OSBPL10: variants seen among roughly 807,000 people sequenced by gnomAD.
OSBPL10 encodes oxysterol binding protein like 10, also known as oxysterol-binding protein-related protein 10.
OSBPL10 carries 49 observed loss-of-function variants against 81.7 expected under a neutral mutation model. That is an observed-to-expected ratio of 0.60 (90% CI 0.48 to 0.76). The LOEUF is 0.76. Ranked by LOEUF, OSBPL10 falls within the 30% of genes least tolerant of loss-of-function variation. The pLI, the probability that OSBPL10 is intolerant of heterozygous loss-of-function variation, is 0.00. For synonymous variants in OSBPL10, 419 were observed against 383.6 expected (o/e 1.09, Z -1.08); for missense variants, 923 against 987.8 (o/e 0.93, Z 0.88).
rs566614122 is a variant in OSBPL10 at position 32,014,978 on chromosome 3, C to T, written n.298+31513G>A. ...AACAAATGGAAGAACATTTCCTGCT[C>T]ATGGATAGGAAGAATCAATATCGTG... On this transcript the variant is annotated intron_variant and non_coding_transcript_variant, in intron 2 of 3. Transcript: ENST00000479173. Among the ~76,000 whole-genome samples, 7 of 152,292 alleles carry T rather than the reference C, an allele frequency of 4.6e-5. No individual in the cohort carries two copies. The East Asian group carries it at 7.7e-4, about 17-fold the overall frequency.
In OSBPL10 at chr3:31,846,392, G is replaced by A. The variant is rs534583414; in HGVS notation, c.538-16161C>T. On this transcript the variant is annotated intron_variant, in intron 3 of 11. Coordinates refer to ENST00000396556, the MANE Select transcript of OSBPL10 (RefSeq NM_017784.5). ...TAATCCCAGCACTTTGGGAGGCCAA[G>A]GTGAGTATATCACCTGAGGTCAGGA... 3.8e-4 allele frequency among the ~76,000 whole-genome samples: 58 copies of A among 152,288 alleles called. 2 individuals are homozygous for A. Among genetic ancestry groups the A allele is most frequent in the Admixed American group, 3.3e-3 (50 of 15,300 alleles).
chr3:31,924,073 G>GC (rs1696995889), intron 1 of OSBPL10, among the ~76,000 whole-genome samples: 1 of 151,734 alleles, frequency 6.6e-6, no homozygotes, highest in Admixed American at 6.6e-5. Flanking sequence ...AAGAAAATTA[G>GC]TGGGCATAGT....
In OSBPL10 at chr3:31,765,583, C is replaced by T. The variant is rs754151298; in HGVS notation, c.730-17463G>A. Among the ~76,000 whole-genome samples, 71 of 152,230 alleles carry T rather than the reference C, an allele frequency of 4.7e-4. 1 individual carries two copies. Among genetic ancestry groups the T allele is most frequent in the Admixed American group, 7.2e-4 (11 of 15,286 alleles). On this transcript the variant is annotated intron_variant, in intron 4 of 11. Coordinates refer to ENST00000396556, the MANE Select transcript of OSBPL10 (RefSeq NM_017784.5). The stretch of plus-strand genomic sequence containing the variant: ...TGGGAAGGGGCTGTTCTCCTCCCTT[C>T]GGACAGGTAAGAAGATTGGTCTCAA...
chr3:31,668,586 T>G, intron 10 of OSBPL10, 56 bp downstream of exon 10: 3 of 1,469,508 alleles, frequency 2.0e-6, no homozygotes, highest in Non-Finnish European at 1.8e-6. Context: ...CTCTGTCCCT[T>G]GAGTCAGGTG....
At chr3:31,674,374 C>T (rs893498313) in intron 8 of OSBPL10, among the ~76,000 whole-genome samples, 18 of 151,738 alleles carry the variant, frequency 1.2e-4, no homozygotes, top group African/African-American at 2.7e-4. Flanking sequence ...GGCAACATGA[C>T]GAAGCCTCAT....
At chr3:31,746,192 T>C (rs1697513831) in intron 5 of OSBPL10, among the ~76,000 whole-genome samples, 2 of 152,232 alleles carry the variant, frequency 1.3e-5, no homozygotes, top group Admixed American at 6.5e-5. Context: ...CCCTGGCTTC[T>C]TGATTAACAA....
intron 2 of OSBPL10, among the ~76,000 whole-genome samples, chr3:32,025,186 G>A (rs567729272): frequency 2.1e-4 from 32 of 152,194 alleles, no homozygotes; most frequent in African/African-American, 7.5e-4. Flanking sequence ...TGTTTGATGA[G>A]GGTTTTTATC....
At chr3:31,764,572 G>A (rs1355040677) in intron 4 of OSBPL10, among the ~76,000 whole-genome samples, 4 of 152,190 alleles carry the variant, frequency 2.6e-5, no homozygotes, top group Non-Finnish European at 4.4e-5. Context: ...ATGCCAGCAC[G>A]GTTCTCTAGC....
rs1282780788 is a variant in OSBPL10 at position 31,980,828 on chromosome 3, TAC to T, written c.281+69_281+70del. Reference sequence around the variant, plus strand: ...GCGCACACACATACACAGACACACATACACACACGCACGCACACACACACACA... The same window carrying T: ...GCGCACACACATACACAGACACACATACACACGCACGCACACACACACACA... On this transcript the variant is annotated intron_variant, in intron 1 of 11. Coordinates refer to ENST00000396556, the MANE Select transcript of OSBPL10 (RefSeq NM_017784.5). 2.8e-6 allele frequency: 4 copies of T among 1,423,606 alleles called. No homozygotes were observed. In the East Asian group the frequency reaches 8.9e-5, roughly 32 times the overall value. The allele number at this position is 1,423,606 out of a possible 1,614,324, so 88.2% of individuals were successfully genotyped here. A position where few individuals can be genotyped will look rare whatever the true frequency, so the allele number is the denominator to read the frequency against.
chr3:31,781,548 G>A (rs1257334814), intron 4 of OSBPL10, among the ~76,000 whole-genome samples: 2 of 151,970 alleles, frequency 1.3e-5, no homozygotes, highest in African/African-American at 2.4e-5. Context: ...TGTATACCTA[G>A]GAAACACTAA....
chr3:31,820,451 CG>C (rs1699954628), intron 4 of OSBPL10, among the ~76,000 whole-genome samples: 1 of 151,590 alleles, frequency 6.6e-6, no homozygotes, highest in Non-Finnish European at 1.5e-5. Flanking sequence ...AAAAATTAGC[CG>C]GGTGCCGTGA....
At chr3:31,812,409 C>T (rs1323742080) in intron 4 of OSBPL10, among the ~76,000 whole-genome samples, 1 of 152,168 alleles carries the variant, frequency 6.6e-6, no homozygotes, top group South Asian at 2.1e-4. Flanking sequence ...CCTTTCCCCA[C>T]ATCCAAATTT....
chr3:31,783,123 A>C (rs1281377378), intron 4 of OSBPL10, among the ~76,000 whole-genome samples: 8 of 25,588 alleles, frequency 3.1e-4, no homozygotes, highest in African/African-American at 6.6e-4. Flanking sequence ...ATATATATAT[A>C]TATATATATA....
At chr3:31,840,109 T>C (rs565650336) in intron 3 of OSBPL10, among the ~76,000 whole-genome samples, 1 of 151,908 alleles carries the variant, frequency 6.6e-6, no homozygotes, top group South Asian at 2.1e-4. Flanking sequence ...CAGAAGATAC[T>C]TTATGCCAGT....
rs1699773215 is a variant in OSBPL10, at chr3:32,065,937, GAAGAAAGAAGAAAGA to G, written n.185+11444_185+11458del. Among the ~76,000 whole-genome samples the G allele has an allele frequency of 5.7e-5, 3 of 52,750 alleles. 1 individual carries two copies. The highest frequency in any genetic ancestry group is 8.1e-4 in the South Asian group (1 of 1,232). 34.6% of individuals were successfully genotyped at this position (52,750 alleles called of 152,430 possible). A position where few individuals can be genotyped will look rare whatever the true frequency, so the allele number is the denominator to read the frequency against. On this transcript the variant is annotated intron_variant and non_coding_transcript_variant, in intron 1 of 3. Coordinates refer to the OSBPL10 transcript ENST00000479173. ...AAGAAGGAAGAAAGAAAGAAGGAAA[GAAGAAAGAAGAAAGA>G]AAGAAAGAAAGAAAGAAAGAAAGAA... is the stretch of plus-strand genomic sequence containing the variant.
At chr3:31,846,349 C>T (rs1279014576) in intron 3 of OSBPL10, among the ~76,000 whole-genome samples, 3 of 152,078 alleles carry the variant, frequency 2.0e-5, no homozygotes, top group East Asian at 1.9e-4. Context: ...TGGGGCCGGG[C>T]GAGGTGACTC....
chr3:32,015,702 C>T (rs1331271222), intron 2 of OSBPL10, among the ~76,000 whole-genome samples: 1 of 152,196 alleles, frequency 6.6e-6, no homozygotes, highest in Non-Finnish European at 1.5e-5. Context: ...ATCTACTCAT[C>T]TTACAAAGGG....
At chr3:31,777,587 T>C (rs879443849) in intron 4 of OSBPL10, among the ~76,000 whole-genome samples, 1 of 152,152 alleles carries the variant, frequency 6.6e-6, no homozygotes, top group African/African-American at 2.4e-5. Context: ...CAGGAACCAT[T>C]GTGAAAGTGT....
At chr3:31,815,032 C>T (rs1034480173) in intron 4 of OSBPL10, among the ~76,000 whole-genome samples, 2 of 151,198 alleles carry the variant, frequency 1.3e-5, no homozygotes, top group African/African-American at 2.4e-5. Context: ...GCAACTTCTG[C>T]TCTCTATCCC....
Sources: gnomAD v4.1 joint callset for allele counts (sites outside exome capture counted in the v4.1 genomes callset) on GRCh38, gnomAD v4.1.1 for gene constraint, MANE v1.5 for transcripts, NCBI Gene and HGNC (gene_info 2026-07-23, HGNC 2026-07-21) for gene names.